The following LMO7 variants were observed in gnomAD, a reference collection of about 807,000 sequenced individuals.
LMO7 encodes LIM domain only protein 7.
Under a neutral mutation model 206.5 loss-of-function variants are expected in LMO7, and 120 were observed. The ratio of observed to expected loss-of-function variants is 0.58; its 90% CI spans 0.50 to 0.68. The LOEUF (loss-of-function observed/expected upper bound fraction) is 0.68. Ranked by LOEUF, LMO7 falls within the 30% of genes least tolerant of loss-of-function variation. LMO7 has a pLI of 0.00. For missense variants in LMO7, 1,959 were observed against 1,957.9 expected, an observed-to-expected ratio of 1.00 and a Z score of -0.01; for synonymous variants, 706 against 681.5, an observed-to-expected ratio of 1.04 and a Z score of -0.56.
chr13:75,780,092 G>C (rs866210061), intron 4 of LMO7, among the ~76,000 whole-genome samples: 6 of 152,258 alleles, frequency 3.9e-5, no homozygotes, highest in South Asian at 4.1e-4. Context: ...AAGGCAAATG[G>C]GCAGGGCAAG....
At chr13:75,737,782 T>TAAAAAAAA (rs71127577) in intron 3 of LMO7, among the ~76,000 whole-genome samples, 2 of 36,342 alleles carry the variant, frequency 5.5e-5, no homozygotes, top group African/African-American at 3.1e-4. Flanking sequence ...TAAAATAAAA[T>TAAAAAAAA]AAAAAAAAAA....
At chr13:75,716,894 C>CTTTTT (rs35871564) in intron 2 of LMO7, among the ~76,000 whole-genome samples, 2 of 138,728 alleles carry the variant, frequency 1.4e-5, no homozygotes, top group Non-Finnish European at 1.6e-5. Context: ...TGAAAACACT[C>CTTTTT]TTTTTTTTTT....
chr13:75,841,990 C>T lies in LMO7; in HGVS notation c.4031+7C>T, dbSNP rs369941152. 1.3e-6 allele frequency: 2 copies of T among 1,591,874 alleles called. No individual in the cohort carries two copies. The highest frequency in any genetic ancestry group is 1.7e-6 in the Non-Finnish European group (2 of 1,164,022). On this transcript the variant is annotated splice_region_variant and intron_variant, in intron 24 of 30. Transcript: ENST00000377534. The stretch of plus-strand genomic sequence containing the variant: ...GAATATACCAGTACAGGAGGTATGT[C>T]CCCACAGCCAGAGGGTACAAAGGCT...
intron 1 of LMO7, among the ~76,000 whole-genome samples, chr13:75,656,351 T>C (rs769486308): frequency 8.5e-5 from 13 of 152,208 alleles, no homozygotes; most frequent in Non-Finnish European, 1.3e-4. Context: ...CTTATTATTA[T>C]GCTTAAAAAT....
intron 3 of LMO7, among the ~76,000 whole-genome samples, chr13:75,737,025 A>G (rs1034851642): frequency 1.3e-5 from 2 of 152,206 alleles, no homozygotes; most frequent in African/African-American, 4.8e-5. Flanking sequence ...AAAATTAAAT[A>G]TATTGAAGTC....
intron 2 of LMO7, among the ~76,000 whole-genome samples, chr13:75,718,032 T>G (rs945743252): frequency 6.6e-6 from 1 of 152,166 alleles, no homozygotes; most frequent in Non-Finnish European, 1.5e-5. Flanking sequence ...CAAACAATGG[T>G]GTAAGGGTTC....
intron 1 of LMO7, among the ~76,000 whole-genome samples, chr13:75,644,964 G>C (rs1179468299): frequency 6.6e-6 from 1 of 152,068 alleles, no homozygotes. Flanking sequence ...GCCGACTTTA[G>C]GTTTATATAT....
intron 3 of LMO7, among the ~76,000 whole-genome samples, chr13:75,754,007 A>T (rs1009671439): frequency 6.6e-6 from 1 of 152,238 alleles, no homozygotes; most frequent in African/African-American, 2.4e-5. Flanking sequence ...TATTGACATT[A>T]AAAAATTAAA....
chr13:75,731,008 T>G (rs2045139047), intron 3 of LMO7, among the ~76,000 whole-genome samples: 2 of 151,610 alleles, frequency 1.3e-5, no homozygotes, highest in African/African-American at 4.9e-5. Context: ...TTGTTATAAT[T>G]TCTGTTCTTT....
rs2035858286 is a variant in LMO7 at position 75,636,414 on chromosome 13, C to T, written c.-244C>T. On this transcript the variant is annotated 5_prime_UTR_variant, in exon 1 of 31. Transcript: ENST00000377534. ...TCCTGCCTGACTGCCCGGGTCCCCG[C>T]GGGCCTTGGGTCGCTTTCAGGAGTT... 5 of 1,342,010 alleles carry T rather than the reference C, an allele frequency of 3.7e-6. No homozygotes were observed. Among genetic ancestry groups the T allele is most frequent in the Middle Eastern group, 2.8e-4 (1 of 3,530 alleles). 83.1% of individuals were successfully genotyped at this position (1,342,010 alleles called of 1,614,324 possible).
chr13:75,630,945 C>T (rs1050564665), intron 2 of LMO7, among the ~76,000 whole-genome samples: 5 of 151,934 alleles, frequency 3.3e-5, no homozygotes, highest in Admixed American at 2.6e-4. Flanking sequence ...CGTGAGCCAC[C>T]GTGCCTGGCC....
At position 75,859,146 on chromosome 13, in the gene LMO7, GA is replaced by G. The variant is rs944563070; in HGVS notation, c.*1205del. On this transcript the variant is annotated 3_prime_UTR_variant, in exon 31 of 31. Transcript: ENST00000377534. ...TTTGAGCAAAAATTTAAACTTACTG[GA>G]ATCTTTTATAATAATGTAAGTGGAA... The G allele has an allele frequency of 8.5e-5, 13 of 152,288 alleles. No homozygotes were observed. The highest frequency in any genetic ancestry group is 2.9e-4 in the African/African-American group (12 of 41,572). The allele number at this position is 152,288 out of a possible 1,614,324, so 9.4% of individuals were successfully genotyped here.
rs1235353045 is a variant in LMO7 at position 75,807,962 on chromosome 13, T to C, written c.1679T>C (p.Val560Ala). The change falls in exon 10 of 31, where the codon GTA becomes GCA. Residue 560 changes from valine (V) to alanine (A), a missense_variant. Physicochemically the swap from Val to Ala is moderately conservative, Grantham distance 64. Coordinates refer to ENST00000377534, the MANE Select transcript of LMO7 (RefSeq NM_001306080.2). ...GAAATTCAAGCAAAATTTCTCTGTG[T>C]ACTTGAAAGGACATGCCCATCCAAA... ...PPEIQAKFLC[V>A]LERTCPSKEK... 1.2e-6 allele frequency: 2 copies of C among 1,613,996 alleles called. No homozygotes were observed. The highest frequency in any genetic ancestry group is 1.6e-4 in the Middle Eastern group (1 of 6,062).
At chr13:75,686,270 G>T (rs1452544144) in intron 1 of LMO7, among the ~76,000 whole-genome samples, 1 of 152,148 alleles carries the variant, frequency 6.6e-6, no homozygotes, top group Non-Finnish European at 1.5e-5. Flanking sequence ...ATGGTGGAAG[G>T]TGAAAGGCAT....
intron 1 of LMO7, among the ~76,000 whole-genome samples, chr13:75,708,378 A>G (rs2042813732): frequency 6.6e-6 from 1 of 152,148 alleles, no homozygotes; most frequent in Non-Finnish European, 1.5e-5. Flanking sequence ...GTTGACTGTC[A>G]TTCTTCACTG....
chr13:75,649,818 A>G (rs1358438599), intron 1 of LMO7, among the ~76,000 whole-genome samples: 3 of 152,238 alleles, frequency 2.0e-5, no homozygotes, highest in African/African-American at 2.4e-5. Context: ...ATCATCTGCT[A>G]TATAAAATAC....
chr13:75,792,048 G>A (rs1418721449), intron 4 of LMO7, among the ~76,000 whole-genome samples: 1 of 151,982 alleles, frequency 6.6e-6, no homozygotes, highest in Non-Finnish European at 1.5e-5. Context: ...GGTCACTGCA[G>A]CCTTGAATTC....
chr13:75,680,665 C>T (rs1364583273), intron 1 of LMO7, among the ~76,000 whole-genome samples: 1 of 151,914 alleles, frequency 6.6e-6, no homozygotes, highest in African/African-American at 2.4e-5. Context: ...TGGTTTGCTG[C>T]ACCCATCAAC....
Position 75,636,586 on chromosome 13 carries a change from G to T in LMO7, c.-72G>T. The stretch of plus-strand genomic sequence containing the variant: ...GCCCGCGTGCCCTCCCCGCCCGTGG[G>T]GCCCAGACGCGCGGGGACAACCCCT... On this transcript the variant is annotated 5_prime_UTR_variant, in exon 1 of 31. Transcript: ENST00000377534. 6.5e-7 allele frequency: 1 copy of T among 1,540,636 alleles called. No individual in the cohort carries two copies. Among genetic ancestry groups the T allele is most frequent in the East Asian group, 2.4e-5 (1 of 40,874 alleles).
Sources: allele counts gnomAD v4.1 joint callset (sites outside exome capture counted in the v4.1 genomes callset), GRCh38; gene constraint gnomAD v4.1.1; transcripts MANE v1.5; gene names NCBI Gene and HGNC (gene_info 2026-07-23, HGNC 2026-07-21).